MFHAS1: variants seen among roughly 807,000 people sequenced by gnomAD.
MFHAS1 encodes multifunctional ROCO family signaling regulator 1, also known as malignant fibrous histiocytoma-amplified sequence 1.
In MFHAS1, 50 loss-of-function variants were observed where a neutral mutation model predicts 70.4. The ratio of observed to expected loss-of-function variants is 0.71; its 90% confidence interval spans 0.57 to 0.90. The LOEUF is 0.90. Ranked by LOEUF, MFHAS1 falls within the 40% of genes least tolerant of loss-of-function variation. The pLI is 0.00. For missense variants in MFHAS1, 1,795 were observed against 1,347.6 expected (o/e 1.33, Z -5.20); for synonymous variants, 952 against 620.0 (o/e 1.54, Z -7.96).
chr8:8,891,361 C>A lies in MFHAS1; in HGVS notation c.1698G>T (p.Ala566=). 1 of 1,611,178 alleles carries A rather than the reference C, an allele frequency of 6.2e-7. No homozygotes were observed. Among genetic ancestry groups the A allele is most frequent in the East Asian group, 2.2e-5 (1 of 44,882 alleles). ...RQIALQEKHD[A]EGLSRLAKVV... is the part of the protein sequence containing the mutation. ...CCTTGGCCAAGCGGCTCAGTCCCTCCGCGTCGTGCTTCTCCTGCAGGGCGA... is the reference window on the plus strand; with the variant it reads ...CCTTGGCCAAGCGGCTCAGTCCCTCAGCGTCGTGCTTCTCCTGCAGGGCGA... The change falls in exon 1 of 3, where the codon GCG becomes GCT. Residue 566 remains alanine, a synonymous_variant. Coordinates refer to ENST00000276282, the MANE Select transcript of MFHAS1 (RefSeq NM_004225.3). The surrounding 1 kb of genome is among the most constrained non-coding windows in gnomAD (Gnocchi z 5.4).
chr8:8,815,810 T>C (rs13265731), intron 1 of MFHAS1, among the ~76,000 whole-genome samples: 99,764 of 152,048 alleles, frequency 0.66, 33,470 homozygotes, highest in East Asian at 0.84. Context: ...AGATATTTAC[T>C]CAACAGACAA....
chr8:8,886,514 A>G (rs1450950839), intron 1 of MFHAS1, among the ~76,000 whole-genome samples: 1 of 152,130 alleles, frequency 6.6e-6, no homozygotes, highest in Non-Finnish European at 1.5e-5. Context: ...GAAATTTACC[A>G]TTATACTTCC....
At chr8:8,885,742 C>T (rs1468346943) in intron 1 of MFHAS1, among the ~76,000 whole-genome samples, 1 of 152,228 alleles carries the variant, frequency 6.6e-6, no homozygotes. Flanking sequence ...CAGGGTCTTG[C>T]CCTGTCGCCC....
intron 1 of MFHAS1, among the ~76,000 whole-genome samples, chr8:8,869,346 A>T (rs1352743496): frequency 6.6e-6 from 1 of 152,202 alleles, no homozygotes; most frequent in Admixed American, 6.6e-5. Context: ...CTGATTCGTT[A>T]TGCACAACCA....
chr8:8,820,669 T>A (rs888236087), intron 1 of MFHAS1, among the ~76,000 whole-genome samples: 1 of 152,160 alleles, frequency 6.6e-6, no homozygotes, highest in African/African-American at 2.4e-5. Flanking sequence ...CATCCTGTGG[T>A]CTTTCAGAGG....
chr8:8,842,779 G>C (rs1189766283), intron 1 of MFHAS1, among the ~76,000 whole-genome samples: 1 of 152,128 alleles, frequency 6.6e-6, no homozygotes, highest in Non-Finnish European at 1.5e-5. Context: ...AGTAACCCAT[G>C]CACCATCATG....
rs1036320553 is a variant in MFHAS1 at position 8,819,382 on chromosome 8, G to A, written c.2999-21891C>T. ...GCACTTTGGGAGGCCGAGGTGGGCG[G>A]ATCACGAGGTCAGGAGATCGAGACC... On this transcript the variant is annotated intron_variant, in intron 1 of 2. Transcript: ENST00000276282. 2.6e-5 allele frequency among the ~76,000 whole-genome samples: 4 copies of A among 152,198 alleles called. No homozygotes were observed. The South Asian group carries it at 8.3e-4, about 32-fold the overall frequency.
At chr8:8,826,536 C>G (rs1204202148) in intron 1 of MFHAS1, among the ~76,000 whole-genome samples, 1 of 152,136 alleles carries the variant, frequency 6.6e-6, no homozygotes, top group Non-Finnish European at 1.5e-5. Flanking sequence ...AGTTCAAGAC[C>G]TGCCTGGCCA....
At chr8:8,871,638 A>C (rs564043794) in intron 1 of MFHAS1, among the ~76,000 whole-genome samples, 38 of 152,232 alleles carry the variant, frequency 2.5e-4, no homozygotes, top group African/African-American at 8.7e-4. Flanking sequence ...AGCAGGTGTA[A>C]ATGCTTGGGA....
chr8:8,869,390 C>A (rs1808983240), intron 1 of MFHAS1, among the ~76,000 whole-genome samples: 1 of 152,180 alleles, frequency 6.6e-6, no homozygotes, highest in Non-Finnish European at 1.5e-5. Context: ...ATACATAATT[C>A]ATCATGCCAA....
At chr8:8,880,220 G>C (rs1354398172) in intron 1 of MFHAS1, among the ~76,000 whole-genome samples, 1 of 152,116 alleles carries the variant, frequency 6.6e-6, no homozygotes, top group East Asian at 1.9e-4. Flanking sequence ...TTACACCTTG[G>C]AAAGAAAGTT....
chr8:8,833,239 T>C (rs1193471273), intron 1 of MFHAS1, among the ~76,000 whole-genome samples: 2 of 152,156 alleles, frequency 1.3e-5, no homozygotes, highest in Non-Finnish European at 2.9e-5. Context: ...GCACTGGGGA[T>C]TGCATTTCAA....
rs111804285 is a variant in MFHAS1 at position 8,803,781 on chromosome 8, G to A, written c.2999-6290C>T. ...GAGGTCAGGAATTAGAGACCAGCCT[G>A]GCCAACCTGGTGGAACCTCGGCTCT... On this transcript the variant is annotated intron_variant, in intron 1 of 2. Coordinates refer to ENST00000276282, the MANE Select transcript of MFHAS1 (RefSeq NM_004225.3). Among the ~76,000 whole-genome samples the A allele has an allele frequency of 4.6e-3, 706 of 152,140 alleles. 4 individuals carry two copies. Among genetic ancestry groups the A allele is most frequent in the African/African-American group, 0.015 (641 of 41,490 alleles).
At chr8:8,823,969 C>A (rs555008894) in intron 1 of MFHAS1, among the ~76,000 whole-genome samples, 1 of 142,232 alleles carries the variant, frequency 7.0e-6, no homozygotes, top group South Asian at 2.9e-4. Context: ...AAGAAAACAA[C>A]GGGAAATCAT....
At chr8:8,849,064 C>CCT (rs1808142066) in intron 1 of MFHAS1, among the ~76,000 whole-genome samples, 1 of 75,772 alleles carries the variant, frequency 1.3e-5, no homozygotes, top group Non-Finnish European at 2.4e-5. Flanking sequence ...TCCTTTTTAC[C>CCT]TTTTTTTTTT....
intron 1 of MFHAS1, among the ~76,000 whole-genome samples, chr8:8,799,986 T>G (rs946693823): frequency 1.3e-5 from 2 of 152,172 alleles, no homozygotes; most frequent in Non-Finnish European, 2.9e-5. Flanking sequence ...AGCAGCAGAC[T>G]TGGGATGTGA....
At chr8:8,802,949 A>C (rs1483253878) in intron 1 of MFHAS1, among the ~76,000 whole-genome samples, 1 of 152,206 alleles carries the variant, frequency 6.6e-6, no homozygotes. Context: ...TACCCAAGGT[A>C]TGCAGGCTAT....
At position 8,891,530 on chromosome 8, in the gene MFHAS1, C is replaced by G; in HGVS notation, c.1529G>C (p.Arg510Pro). 6.2e-7 allele frequency: 1 copy of G among 1,613,046 alleles called. No homozygotes were observed. The highest frequency in any genetic ancestry group is 8.5e-7 in the Non-Finnish European group (1 of 1,180,022). ...GGAGCCCACGGTGGTAGGAAAGTGG[C>G]GAGGCTCATAGGTGGCCAAGTTGAC... is the stretch of plus-strand genomic sequence containing the variant. ...LVVNLATYEP[R>P]HFPTTVGSFL... is the part of the protein sequence containing the mutation. The change falls in exon 1 of 3, where the codon CGC (arginine) becomes CCC (proline). Residue 510 changes from arginine (R) to proline (P), a missense_variant. Transcript: ENST00000276282. The surrounding 1 kb of genome is among the most constrained non-coding windows in gnomAD (Gnocchi z 5.4).
At chr8:8,858,511 T>C (rs1808535114) in intron 1 of MFHAS1, among the ~76,000 whole-genome samples, 1 of 152,192 alleles carries the variant, frequency 6.6e-6, no homozygotes, top group Non-Finnish European at 1.5e-5. Flanking sequence ...ATGAGACCTA[T>C]GTTACTGAAA....
Sources: gnomAD v4.1 joint callset for allele counts (sites outside exome capture counted in the v4.1 genomes callset) on GRCh38, gnomAD v4.1.1 for gene constraint, Gnocchi (gnomAD v3.1) non-coding constraint, MANE v1.5 for transcripts, NCBI Gene and HGNC (gene_info 2026-07-23, HGNC 2026-07-21) for gene names.